CCDC18: variants seen among roughly 807,000 people sequenced by gnomAD.
The protein encoded by CCDC18 is coiled-coil domain containing 18.
In CCDC18, 157 loss-of-function variants were observed where a neutral mutation model predicts 196.0. That is an observed-to-expected ratio of 0.80 (90% CI 0.70 to 0.91). The LOEUF is 0.91. CCDC18 is among the 40% of genes least tolerant of loss of function. The pLI is 0.00. For missense variants in CCDC18, 1,465 were observed against 1,611.6 expected, an observed-to-expected ratio of 0.91 and a Z score of 1.56; for synonymous variants, 482 against 529.2, an observed-to-expected ratio of 0.91 and a Z score of 1.22.
At chr1:93,268,870 A>G (rs1664898408) in intron 27 of CCDC18, among the ~76,000 whole-genome samples, 1 of 152,104 alleles carries the variant, frequency 6.6e-6, no homozygotes, top group Non-Finnish European at 1.5e-5. Flanking sequence ...CAGTGTGGCG[A>G]TTCCTCAAGG....
rs1557684985 is a variant in CCDC18 at position 93,246,886 on chromosome 1, CA to C, written c.3136del (p.Ile1046Ter). The C allele has an allele frequency of 6.5e-7, 1 of 1,544,786 alleles. No homozygotes were observed. Among genetic ancestry groups the C allele is most frequent in the Non-Finnish European group, 8.8e-7 (1 of 1,133,154 alleles). On this transcript the variant is annotated frameshift_variant, in exon 23 of 29. Coordinates refer to ENST00000690025, the MANE Select transcript of CCDC18 (RefSeq NM_001378204.1). LOFTEE classifies it high-confidence loss of function. ...TIREHRGEME[Q>X]KIIKLEGTLE... ...TCGTGAGCACAGAGGAGAAATGGAA[CA>C]AAAAATAATTAAATTAGAAGGTACT...
intron 11 of CCDC18, 98 bp downstream of exon 11, chr1:93,212,359 G>C (rs1055433678): frequency 1.4e-6 from 1 of 717,232 alleles, no homozygotes; most frequent in African/African-American, 1.9e-5. Flanking sequence ...TTTAATTTAA[G>C]TTCAGGGATA....
chr1:93,195,026 A>G (rs1652472632), intron 6 of CCDC18, among the ~76,000 whole-genome samples: 1 of 152,146 alleles, frequency 6.6e-6, no homozygotes, highest in African/African-American at 2.4e-5. Flanking sequence ...ATGCACTACC[A>G]CACCCAGCTA....
intron 11 of CCDC18, 22 bp from the exon 12 acceptor site, chr1:93,214,721 A>C: frequency 6.4e-7 from 1 of 1,557,684 alleles, no homozygotes. Flanking sequence ...ATTCAGAACA[A>C]TTTTCCTTTT....
At chr1:93,229,809 TAA>T (rs1256448821) in intron 17 of CCDC18, among the ~76,000 whole-genome samples, 8 of 152,160 alleles carry the variant, frequency 5.3e-5, no homozygotes, top group African/African-American at 1.9e-4. Flanking sequence ...TTTAAAATAA[TAA>T]AGTTATGTGT....
chr1:93,186,853 G>T (rs1650775929), intron 4 of CCDC18, among the ~76,000 whole-genome samples: 1 of 151,912 alleles, frequency 6.6e-6, no homozygotes, highest in Non-Finnish European at 1.5e-5. Flanking sequence ...AGCAAAAAGA[G>T]GAAGAAAGAT....
intron 23 of CCDC18, among the ~76,000 whole-genome samples, chr1:93,254,056 A>G (rs1662604874): frequency 1.3e-5 from 2 of 152,086 alleles, no homozygotes; most frequent in Admixed American, 1.3e-4. Context: ...CACAATTTTC[A>G]TTTTGTAATT....
At chr1:93,211,814 T>C (rs147639349) in intron 10 of CCDC18, among the ~76,000 whole-genome samples, 1 of 152,198 alleles carries the variant, frequency 6.6e-6, no homozygotes, top group African/African-American at 2.4e-5. Context: ...CATGTTTTCT[T>C]ATACATATAT....
At chr1:93,229,481 A>G (rs976225803) in intron 17 of CCDC18, among the ~76,000 whole-genome samples, 5 of 152,230 alleles carry the variant, frequency 3.3e-5, no homozygotes, top group African/African-American at 1.2e-4. Flanking sequence ...TTTGAGTAAT[A>G]GTGCATCCAT....
chr1:93,198,837 G>A (rs1653262802), intron 6 of CCDC18, among the ~76,000 whole-genome samples: 2 of 151,948 alleles, frequency 1.3e-5, no homozygotes, highest in Admixed American at 6.5e-5. Context: ...TTTTACACAT[G>A]GGTCTCACTG....
At chr1:93,239,950 A>G (rs532659022) in intron 21 of CCDC18, 54 bp downstream of exon 21, 6 of 1,209,000 alleles carry the variant, frequency 5.0e-6, no homozygotes, top group African/African-American at 1.5e-5. Flanking sequence ...GGATAATACA[A>G]TAAAATATGT....
chr1:93,200,645 A>G (rs1437299818), intron 6 of CCDC18, among the ~76,000 whole-genome samples: 1 of 152,180 alleles, frequency 6.6e-6, no homozygotes, highest in Non-Finnish European at 1.5e-5. Context: ...ACACATAAGG[A>G]CCTCAACTTT....
intron 9 of CCDC18, among the ~76,000 whole-genome samples, chr1:93,207,799 A>T (rs1654948887): frequency 2.0e-5 from 3 of 152,066 alleles, no homozygotes; most frequent in Non-Finnish European, 4.4e-5. Context: ...TAGTCCCTGT[A>T]CTCACTTCTA....
chr1:93,264,658 C>T, intron 26 of CCDC18, 43 bp from the exon 27 acceptor site: 1 of 1,213,396 alleles, frequency 8.2e-7, no homozygotes, highest in East Asian at 2.3e-5. Flanking sequence ...AGTTTCCTTC[C>T]ATTTTTTTAT....
intron 16 of CCDC18, among the ~76,000 whole-genome samples, chr1:93,225,742 A>C (rs921266782): frequency 3.4e-4 from 51 of 151,976 alleles, no homozygotes; most frequent in Non-Finnish European, 2.6e-4. Flanking sequence ...GCACCACTGC[A>C]CTACAGCCTG....
In CCDC18 at chr1:93,212,129, A is replaced by G. The variant is rs2102010600; in HGVS notation, c.1363A>G (p.Ile455Val). The G allele has an allele frequency of 6.2e-7, 1 of 1,604,372 alleles. No homozygotes were observed. The highest frequency in any genetic ancestry group is 2.2e-5 in the East Asian group (1 of 44,594). ...RIKLAIKEAE[I>V]QKLHANLTAN... The stretch of plus-strand genomic sequence containing the variant: ...TAAGCTTGCAATAAAAGAGGCAGAA[A>G]TTCAAAAGCTTCATGCAAACCTGAC... The change falls in exon 11 of 29, where the codon ATT (isoleucine) becomes GTT (valine). Residue 455 changes from isoleucine to valine, a missense_variant. Ile to Val is a conservative substitution (Grantham distance 29, BLOSUM62 3). Transcript: ENST00000690025.
At chr1:93,212,351 T>A (rs568097276) in intron 11 of CCDC18, 90 bp downstream of exon 11, 101 of 827,190 alleles carry the variant, frequency 1.2e-4, no homozygotes, top group Non-Finnish European at 1.6e-4. Context: ...ATTTTTTTTT[T>A]AATTTAAGTT....
At chr1:93,233,461 G>A (rs529450872) in intron 18 of CCDC18, among the ~76,000 whole-genome samples, 290 of 151,950 alleles carry the variant, frequency 1.9e-3, no homozygotes, top group African/African-American at 6.8e-3. Flanking sequence ...GAAAATGATC[G>A]TCCCCTGTAA....
At chr1:93,187,394 A>G (rs1366624587) in intron 4 of CCDC18, among the ~76,000 whole-genome samples, 1 of 151,986 alleles carries the variant, frequency 6.6e-6, no homozygotes, top group Non-Finnish European at 1.5e-5. Flanking sequence ...ACACACATGT[A>G]TAATACTCTT....
Sources: gnomAD v4.1 joint callset for allele counts (sites outside exome capture counted in the v4.1 genomes callset) on GRCh38, gnomAD v4.1.1 for gene constraint, MANE v1.5 for transcripts, NCBI Gene and HGNC (gene_info 2026-07-23, HGNC 2026-07-21) for gene names.